Variants in EFNA5 observed in about 807,000 individuals in gnomAD.
EFNA5 encodes the protein ephrin A5.
In EFNA5, 5 loss-of-function variants were observed where a neutral mutation model predicts 22.9. That is an observed-to-expected ratio of 0.22 (90% CI 0.11 to 0.46). The LOEUF (loss-of-function observed/expected upper bound fraction) is 0.46, where lower values mean the gene tolerates loss of function less well. Ranked by LOEUF, EFNA5 falls within the 20% of genes least tolerant of loss-of-function variation. EFNA5 has a pLI of 0.99. For missense variants in EFNA5, 237 were observed against 293.3 expected, an observed-to-expected ratio of 0.81 and a Z score of 1.40; for synonymous variants, 113 against 112.2, an observed-to-expected ratio of 1.01 and a Z score of -0.04.
chr5:107,467,523 TA>T (rs894175649), intron 1 of EFNA5, among the ~76,000 whole-genome samples: 33 of 151,884 alleles, frequency 2.2e-4, no homozygotes, highest in Admixed American at 1.3e-3. Context: ...AAAAATTAGG[TA>T]AAAAAAATAG....
intron 1 of EFNA5, among the ~76,000 whole-genome samples, chr5:107,447,353 C>T (rs1749424664): frequency 6.6e-6 from 1 of 152,220 alleles, no homozygotes; most frequent in Non-Finnish European, 1.5e-5. Context: ...GACTGACCCT[C>T]CAACCTTTCC....
intron 1 of EFNA5, among the ~76,000 whole-genome samples, chr5:107,544,496 T>C (rs1246382236): frequency 6.6e-6 from 1 of 152,180 alleles, no homozygotes; most frequent in Non-Finnish European, 1.5e-5. Context: ...GAAGAGAGGT[T>C]GTGTTCTGTG....
chr5:107,656,995 T>C (rs562935873), intron 1 of EFNA5, among the ~76,000 whole-genome samples: 33 of 152,084 alleles, frequency 2.2e-4, no homozygotes, highest in African/African-American at 8.0e-4. Flanking sequence ...ACTGTAAAAA[T>C]TCAAAACAAA....
At chr5:107,516,903 T>C (rs889478371) in intron 1 of EFNA5, among the ~76,000 whole-genome samples, 2 of 152,200 alleles carry the variant, frequency 1.3e-5, no homozygotes, top group African/African-American at 2.4e-5. Context: ...GAACACATAT[T>C]GTATGATTCC....
intron 2 of EFNA5, among the ~76,000 whole-genome samples, chr5:107,393,094 G>T (rs556975654): frequency 6.6e-6 from 1 of 152,332 alleles, no homozygotes; most frequent in South Asian, 2.1e-4. Context: ...AAACCAAAAT[G>T]AGTTGATACA....
At chr5:107,655,933 A>T (rs1750811019) in intron 1 of EFNA5, among the ~76,000 whole-genome samples, 1 of 152,160 alleles carries the variant, frequency 6.6e-6, no homozygotes, top group Admixed American at 6.5e-5. Context: ...AGTCAATAGC[A>T]AGAGTTCTCA....
intron 2 of EFNA5, among the ~76,000 whole-genome samples, chr5:107,394,484 A>T (rs2112380284): frequency 6.6e-6 from 1 of 152,348 alleles, no homozygotes; most frequent in African/African-American, 2.4e-5. Flanking sequence ...ATAGAAAAAC[A>T]TATTCTGCAA....
intron 4 of EFNA5, among the ~76,000 whole-genome samples, chr5:107,385,887 T>C (rs1458775589): frequency 4.6e-5 from 7 of 152,210 alleles, no homozygotes. Context: ...CACTAAGACC[T>C]CGGAGAGCTC....
At chr5:107,617,146 C>T (rs1749935920) in intron 1 of EFNA5, among the ~76,000 whole-genome samples, 2 of 151,164 alleles carry the variant, frequency 1.3e-5, no homozygotes, top group Non-Finnish European at 2.9e-5. Context: ...TACTCTTATC[C>T]TACCTTACCA....
intron 1 of EFNA5, among the ~76,000 whole-genome samples, chr5:107,646,084 G>A (rs915220362): frequency 6.6e-5 from 10 of 152,130 alleles, no homozygotes; most frequent in African/African-American, 2.4e-4. Context: ...CTTTTTCTGT[G>A]AAATGATAGG....
intron 1 of EFNA5, among the ~76,000 whole-genome samples, chr5:107,594,724 A>T (rs1256348736): frequency 6.6e-6 from 1 of 151,570 alleles, no homozygotes; most frequent in Non-Finnish European, 1.5e-5. Context: ...TTCACACAGC[A>T]CTCCCCTGAC....
intron 1 of EFNA5, among the ~76,000 whole-genome samples, chr5:107,628,010 A>G (rs1487362407): frequency 1.3e-5 from 2 of 152,206 alleles, no homozygotes; most frequent in African/African-American, 4.8e-5. Flanking sequence ...CATTCAAATA[A>G]TAAAAATTAA....
chr5:107,658,308 A>G (rs1475032152), intron 1 of EFNA5, among the ~76,000 whole-genome samples: 1 of 152,162 alleles, frequency 6.6e-6, no homozygotes, highest in Non-Finnish European at 1.5e-5. Context: ...GGTTTGCTTA[A>G]TATCTTTAGA....
At chr5:107,381,709 T>A (rs1747468064) in intron 4 of EFNA5, among the ~76,000 whole-genome samples, 1 of 151,472 alleles carries the variant, frequency 6.6e-6, no homozygotes, top group Admixed American at 6.6e-5. Flanking sequence ...AATGTACCTT[T>A]GAAACCTAAG....
rs963850687 is a variant in EFNA5 at position 107,560,923 on chromosome 5, G to A, written c.125+109566C>T. ...AGCCCTATAGTTCTGTAATGTGAGC[G>A]CCACCTTTACATCAGGTTCTAAAGA... On this transcript the variant is annotated intron_variant, in intron 1 of 4. Coordinates refer to ENST00000333274, the MANE Select transcript of EFNA5 (RefSeq NM_001962.3). Among the ~76,000 whole-genome samples, 7 of 152,288 alleles carry A rather than the reference G, an allele frequency of 4.6e-5. 1 individual carries two copies. The highest frequency in any genetic ancestry group is 2.9e-5 in the Non-Finnish European group (2 of 68,022).
chr5:107,632,333 ACT>A (rs1418437574), intron 1 of EFNA5, among the ~76,000 whole-genome samples: 1 of 152,052 alleles, frequency 6.6e-6, no homozygotes, highest in Non-Finnish European at 1.5e-5. Context: ...ATCCACAAAA[ACT>A]CTGATATACT....
At chr5:107,580,731 AAAAAAAAAAGAAAAG>A (rs1345450473) in intron 1 of EFNA5, among the ~76,000 whole-genome samples, 1 of 149,128 alleles carries the variant, frequency 6.7e-6, no homozygotes, top group African/African-American at 2.5e-5. Context: ...CAAAAAAAAA[AAAAAAAAAAGAAAAG>A]AAAAGAAAAG....
chr5:107,610,290 T>G (rs556773915), intron 1 of EFNA5, among the ~76,000 whole-genome samples: 1 of 152,382 alleles, frequency 6.6e-6, no homozygotes, highest in Admixed American at 6.5e-5. Context: ...ATTGAAGGTT[T>G]TCAGGCATAT....
intron 1 of EFNA5, among the ~76,000 whole-genome samples, chr5:107,644,349 T>C (rs1750586446): frequency 6.6e-6 from 1 of 151,792 alleles, no homozygotes; most frequent in Non-Finnish European, 1.5e-5. Flanking sequence ...ACTTAAAAAA[T>C]GAGGAAAAAA....
Sources: allele counts gnomAD v4.1 joint callset (sites outside exome capture counted in the v4.1 genomes callset), GRCh38; gene constraint gnomAD v4.1.1; transcripts MANE v1.5; gene names NCBI Gene and HGNC (gene_info 2026-07-23, HGNC 2026-07-21).